Variants in CRPPA observed in about 807,000 individuals in gnomAD.
The protein encoded by CRPPA is CDP-L-ribitol pyrophosphorylase A, also known as D-ribitol-5-phosphate cytidylyltransferase.
A neutral mutation model predicts 52.0 loss-of-function variants in CRPPA; 43 were observed. The observed-to-expected ratio is 0.83, with a 90% confidence interval of 0.65 to 1.07. The LOEUF (loss-of-function observed/expected upper bound fraction) is 1.07, where lower values mean the gene tolerates loss of function less well. Ranked by LOEUF, CRPPA falls within the 50% of genes least tolerant of loss-of-function variation. The pLI is 0.00. For synonymous variants in CRPPA, 250 were observed against 203.5 expected, an observed-to-expected ratio of 1.23 and a Z score of -1.94; for missense variants, 629 against 551.7, an observed-to-expected ratio of 1.14 and a Z score of -1.40.
chr7:16,216,301 A>C (rs1782308095), intron 8 of CRPPA, 104 bp from the exon 9 acceptor site: 1 of 661,946 alleles, frequency 1.5e-6, no homozygotes, highest in Admixed American at 3.4e-5. Flanking sequence ...ACAATATTGC[A>C]ATAATCTTTA....
chr7:16,175,740 T>C (rs1294702650), intron 9 of CRPPA, among the ~76,000 whole-genome samples: 5 of 152,166 alleles, frequency 3.3e-5, no homozygotes, highest in African/African-American at 1.2e-4. Flanking sequence ...ATGTATTAAT[T>C]ATATAAAAAT....
At chr7:16,213,343 CTT>C (rs1295693211) in intron 9 of CRPPA, among the ~76,000 whole-genome samples, 3 of 152,102 alleles carry the variant, frequency 2.0e-5, no homozygotes, top group Non-Finnish European at 4.4e-5. Flanking sequence ...TTTAAAGGGA[CTT>C]AGTCTAATTT....
Position 16,155,688 on chromosome 7 carries a change from T to C in CRPPA, c.1251+60378A>G, listed in dbSNP as rs551656462. 3.9e-5 allele frequency among the ~76,000 whole-genome samples: 6 copies of C among 152,308 alleles called. No homozygotes were observed. In the East Asian group the frequency reaches 1.2e-3, roughly 29 times the overall value. On this transcript the variant is annotated intron_variant, in intron 9 of 9. Coordinates refer to ENST00000407010, the MANE Select transcript of CRPPA (RefSeq NM_001101426.4). ...GACACATATACAAAATATCCATTAATAGACTGTTTGTGTTATCGATAAGGC... is the reference window on the plus strand; with the variant it reads ...GACACATATACAAAATATCCATTAACAGACTGTTTGTGTTATCGATAAGGC...
chr7:16,172,200 C>T (rs1007400619), intron 9 of CRPPA, among the ~76,000 whole-genome samples: 3 of 152,152 alleles, frequency 2.0e-5, no homozygotes, highest in African/African-American at 7.2e-5. Context: ...CAGAGTTTCC[C>T]CTTTGCCATC....
intron 9 of CRPPA, among the ~76,000 whole-genome samples, chr7:16,158,113 T>C (rs975165996): frequency 1.4e-4 from 21 of 151,564 alleles, no homozygotes; most frequent in Non-Finnish European, 2.7e-4. Context: ...CTTGATCTCC[T>C]GACCTCGTGA....
chr7:16,360,712 T>C (rs1450963203), intron 3 of CRPPA, among the ~76,000 whole-genome samples: 1 of 152,134 alleles, frequency 6.6e-6, no homozygotes, highest in African/African-American at 2.4e-5. Flanking sequence ...TCGTGACATA[T>C]ACAAAAGTTA....
chr7:16,315,164 A>G (rs745996270), intron 3 of CRPPA, among the ~76,000 whole-genome samples: 5 of 152,162 alleles, frequency 3.3e-5, no homozygotes, highest in Non-Finnish European at 7.4e-5. Flanking sequence ...ATAAGGCATC[A>G]AAGGGATTCT....
chr7:16,230,226 G>A (rs1782757734), intron 8 of CRPPA, among the ~76,000 whole-genome samples: 1 of 152,090 alleles, frequency 6.6e-6, no homozygotes, highest in Admixed American at 6.5e-5. Context: ...TAAGCTTTCT[G>A]TCTTTTTCTC....
chr7:16,289,724 T>C (rs1012597216), intron 5 of CRPPA, among the ~76,000 whole-genome samples: 3 of 152,158 alleles, frequency 2.0e-5, no homozygotes, highest in African/African-American at 7.2e-5. Flanking sequence ...GCTAGCATTA[T>C]ACTGAATGGA....
chr7:16,334,733 G>A (rs764759547), intron 3 of CRPPA, among the ~76,000 whole-genome samples: 4 of 152,196 alleles, frequency 2.6e-5, no homozygotes, highest in Middle Eastern at 3.4e-3. Flanking sequence ...TTTAACCTCA[G>A]AGCACAGGAA....
At chr7:16,127,027 G>C (rs960612578) in intron 9 of CRPPA, among the ~76,000 whole-genome samples, 2 of 152,112 alleles carry the variant, frequency 1.3e-5, no homozygotes, top group Non-Finnish European at 2.9e-5. Context: ...ATAATATGCA[G>C]ACAATGTTCT....
intron 2 of CRPPA, among the ~76,000 whole-genome samples, chr7:16,388,607 G>A (rs983589248): frequency 1.3e-5 from 2 of 152,226 alleles, no homozygotes; most frequent in Non-Finnish European, 2.9e-5. Flanking sequence ...GGGCGTGGTG[G>A]CTCATGCCTG....
At chr7:16,315,592 C>T (rs143892780) in intron 3 of CRPPA, among the ~76,000 whole-genome samples, 2 of 152,180 alleles carry the variant, frequency 1.3e-5, no homozygotes, top group Non-Finnish European at 2.9e-5. Context: ...TGGGCCTCCT[C>T]GTTAAGAGCA....
chr7:16,255,600 G>C (rs9918730), intron 8 of CRPPA, among the ~76,000 whole-genome samples: 75 of 152,202 alleles, frequency 4.9e-4, no homozygotes, highest in African/African-American at 1.8e-3. Flanking sequence ...CAGATATATA[G>C]ACCAATGGAA....
Position 16,224,134 on chromosome 7 carries a change from G to A in CRPPA, c.1120-7937C>T, listed in dbSNP as rs184532773. 1.2e-3 allele frequency among the ~76,000 whole-genome samples: 185 copies of A among 152,140 alleles called. 1 individual carries two copies. The highest frequency in any genetic ancestry group is 2.4e-3 in the Non-Finnish European group (161 of 68,000). On this transcript the variant is annotated intron_variant, in intron 8 of 9. Transcript: ENST00000407010. Reference sequence around the variant, plus strand: ...TAGCCTCATGGCTTTGTGGGTGGGCGAGGTTTCCGGCTCTCGGTGTTTGGA... The same window carrying A: ...TAGCCTCATGGCTTTGTGGGTGGGCAAGGTTTCCGGCTCTCGGTGTTTGGA...
intron 9 of CRPPA, among the ~76,000 whole-genome samples, chr7:16,148,640 G>C (rs1037551627): frequency 3.3e-5 from 5 of 152,048 alleles, no homozygotes; most frequent in African/African-American, 1.2e-4. Context: ...GCTAAGGAAG[G>C]TAATGGCCAG....
intron 5 of CRPPA, among the ~76,000 whole-genome samples, chr7:16,284,488 C>T (rs953717551): frequency 6.6e-6 from 1 of 151,896 alleles, no homozygotes; most frequent in African/African-American, 2.4e-5. Flanking sequence ...ATAACTTTGT[C>T]CGTGCAAAAT....
chr7:16,136,237 T>C (rs1374550961), intron 9 of CRPPA, among the ~76,000 whole-genome samples: 1 of 152,218 alleles, frequency 6.6e-6, no homozygotes, highest in African/African-American at 2.4e-5. Flanking sequence ...GAAATTGATA[T>C]TTTAAAAGTT....
chr7:16,281,371 AC>A lies in CRPPA; in HGVS notation c.836-3146del, dbSNP rs555456899. Among the ~76,000 whole-genome samples, 953 of 152,334 alleles carry A rather than the reference AC, an allele frequency of 6.3e-3. 7 individuals carry two copies. Among genetic ancestry groups the A allele is most frequent in the Admixed American group, 9.7e-3 (149 of 15,304 alleles). ...TGTATAAAAATACATTTTGATACAGACCTTGTATAGTCAGTAACCTTGCTAC... is the reference window on the plus strand; with the variant it reads ...TGTATAAAAATACATTTTGATACAGACTTGTATAGTCAGTAACCTTGCTAC... On this transcript the variant is annotated intron_variant, in intron 5 of 9. Transcript: ENST00000407010.
Sources: allele counts gnomAD v4.1 joint callset (sites outside exome capture counted in the v4.1 genomes callset), GRCh38; gene constraint gnomAD v4.1.1; transcripts MANE v1.5; gene names NCBI Gene and HGNC (gene_info 2026-07-23, HGNC 2026-07-21).